CNTN5: variants seen among roughly 807,000 people sequenced by gnomAD.
CNTN5 encodes the protein contactin-5.
Under a neutral mutation model 129.1 loss-of-function variants are expected in CNTN5, and 77 were observed. The ratio of observed to expected loss-of-function variants is 0.60; its 90% CI spans 0.50 to 0.72. The LOEUF is 0.72. Ranked by LOEUF, CNTN5 falls within the 30% of genes least tolerant of loss-of-function variation. The pLI is 0.00. For missense variants in CNTN5, 1,478 were observed against 1,328.8 expected (o/e 1.11, Z -1.75); for synonymous variants, 509 against 465.6 (o/e 1.09, Z -1.20).
chr11:99,740,228 T>G (rs1463862278), intron 3 of CNTN5, among the ~76,000 whole-genome samples: 1 of 152,112 alleles, frequency 6.6e-6, no homozygotes, highest in Admixed American at 6.6e-5. Context: ...TAGCTTTTCC[T>G]TCTCTAAAGG....
In CNTN5 at chr11:100,191,002, TCA is replaced by T. The variant is rs903570427; in HGVS notation, c.1581-121_1581-120del. 19 of 548,164 alleles carry T rather than the reference TCA, an allele frequency of 3.5e-5. No individual in the cohort carries two copies. In the African/African-American group the frequency reaches 3.5e-4, roughly 10 times the overall value. The allele number at this position is 548,164 out of a possible 1,614,324, so 34.0% of individuals were successfully genotyped here. On this transcript the variant is annotated intron_variant, in intron 13 of 24. Transcript: ENST00000524871. ...ATATTTCTACTATCACTGCATATTT[TCA>T]CAGTGATCCTTTATCTTACTTATTA...
intron 13 of CNTN5, among the ~76,000 whole-genome samples, chr11:100,113,453 A>AAAAAAAAAAG (rs1945727574): frequency 2.8e-5 from 2 of 71,526 alleles, no homozygotes; most frequent in African/African-American, 1.1e-4. Context: ...AAAAAAAAAA[A>AAAAAAAAAAG]CAAGAAAGAA....
chr11:99,774,362 T>A (rs1945047383), intron 3 of CNTN5, among the ~76,000 whole-genome samples: 1 of 151,900 alleles, frequency 6.6e-6, no homozygotes, highest in African/African-American at 2.4e-5. Context: ...GGTGTTAAAT[T>A]TATTTTGCCC....
intron 8 of CNTN5, among the ~76,000 whole-genome samples, chr11:99,976,451 G>T (rs1173417481): frequency 6.6e-6 from 1 of 152,144 alleles, no homozygotes; most frequent in Non-Finnish European, 1.5e-5. Flanking sequence ...GATGTTCTAT[G>T]AGGTCTCCAC....
chr11:99,754,633 A>C (rs1346248669), intron 3 of CNTN5, among the ~76,000 whole-genome samples: 1 of 152,182 alleles, frequency 6.6e-6, no homozygotes, highest in African/African-American at 2.4e-5. Context: ...TGTTCACAGC[A>C]AAATTAAGTG....
chr11:99,829,524 G>T (rs1947070843), intron 4 of CNTN5, among the ~76,000 whole-genome samples: 1 of 152,106 alleles, frequency 6.6e-6, no homozygotes, highest in Admixed American at 6.6e-5. Flanking sequence ...GAAGAGAAAT[G>T]GAGCAGTACC....
intron 3 of CNTN5, among the ~76,000 whole-genome samples, chr11:99,791,121 T>C (rs1233145086): frequency 6.6e-6 from 1 of 152,048 alleles, no homozygotes; most frequent in Non-Finnish European, 1.5e-5. Flanking sequence ...AGTTTTTTTT[T>C]TTCCTGTGTA....
At chr11:99,698,228 C>T (rs1954358815) in intron 3 of CNTN5, among the ~76,000 whole-genome samples, 1 of 150,844 alleles carries the variant, frequency 6.6e-6, no homozygotes, top group Middle Eastern at 3.2e-3. Flanking sequence ...TATTACATTA[C>T]ATTATTCAAT....
chr11:99,420,105 C>T (rs1368728075), intron 2 of CNTN5, among the ~76,000 whole-genome samples: 1 of 152,046 alleles, frequency 6.6e-6, no homozygotes, highest in Non-Finnish European at 1.5e-5. Context: ...TTTAGTGCAG[C>T]CCTCTATTTA....
intron 2 of CNTN5, among the ~76,000 whole-genome samples, chr11:99,440,750 T>G (rs1451882378): frequency 6.6e-6 from 1 of 152,154 alleles, no homozygotes; most frequent in Non-Finnish European, 1.5e-5. Flanking sequence ...GGAAGCATTA[T>G]GAAGGAGCAA....
At chr11:100,073,084 T>C (rs1428424625) in intron 12 of CNTN5, among the ~76,000 whole-genome samples, 1 of 148,474 alleles carries the variant, frequency 6.7e-6, no homozygotes, top group African/African-American at 2.5e-5. Context: ...AATCTCACTG[T>C]CGCTCAGGCT....
chr11:99,388,775 A>G (rs984009839), intron 2 of CNTN5, among the ~76,000 whole-genome samples: 1 of 152,166 alleles, frequency 6.6e-6, no homozygotes, highest in Non-Finnish European at 1.5e-5. Flanking sequence ...ATTTATAACC[A>G]TACAAACTTG....
chr11:99,769,680 G>A (rs940650494), intron 3 of CNTN5, among the ~76,000 whole-genome samples: 2 of 152,008 alleles, frequency 1.3e-5, no homozygotes, highest in Non-Finnish European at 2.9e-5. Context: ...CAGGTGTGGT[G>A]GTGCTTGCCT....
At chr11:99,023,548 T>A (rs890409786) in intron 1 of CNTN5, among the ~76,000 whole-genome samples, 4 of 152,178 alleles carry the variant, frequency 2.6e-5, no homozygotes, top group African/African-American at 4.8e-5. Context: ...AAAATAAAAA[T>A]GATGAAAACT....
chr11:99,722,128 C>T (rs1449069080), intron 3 of CNTN5, among the ~76,000 whole-genome samples: 3 of 152,132 alleles, frequency 2.0e-5, no homozygotes, highest in Non-Finnish European at 4.4e-5. Flanking sequence ...AATCCCATTA[C>T]TGATATATAC....
At chr11:99,459,724 G>T (rs561669313) in intron 2 of CNTN5, among the ~76,000 whole-genome samples, 2 of 152,078 alleles carry the variant, frequency 1.3e-5, no homozygotes, top group African/African-American at 4.8e-5. Context: ...CTTAAGGTCT[G>T]GTGGATAAGA....
intron 2 of CNTN5, among the ~76,000 whole-genome samples, chr11:99,423,955 A>G (rs930425655): frequency 6.6e-6 from 1 of 152,192 alleles, no homozygotes; most frequent in Non-Finnish European, 1.5e-5. Flanking sequence ...ACCTTAGAGT[A>G]TAACAGTTCC....
chr11:99,128,748 G>T (rs1858777797), intron 1 of CNTN5, among the ~76,000 whole-genome samples: 2 of 152,172 alleles, frequency 1.3e-5, no homozygotes. Flanking sequence ...GCCCCTCTGG[G>T]ATGAAGCTTC....
intron 21 of CNTN5, among the ~76,000 whole-genome samples, chr11:100,334,315 C>T (rs1565435270): frequency 6.6e-6 from 1 of 152,126 alleles, no homozygotes; most frequent in African/African-American, 2.4e-5. Flanking sequence ...AAAAGTTACA[C>T]TTTTACACTG....
Sources: gnomAD v4.1 joint callset for allele counts (sites outside exome capture counted in the v4.1 genomes callset) on GRCh38, gnomAD v4.1.1 for gene constraint, MANE v1.5 for transcripts, NCBI Gene and HGNC (gene_info 2026-07-23, HGNC 2026-07-21) for gene names.